The following LANCL2 variants were observed in gnomAD, a reference collection of about 807,000 sequenced individuals.
LANCL2 encodes lanC-like protein 2.
Under a neutral mutation model 56.9 loss-of-function variants are expected in LANCL2, and 33 were observed. That is an observed-to-expected ratio of 0.58 (90% CI 0.44 to 0.78). LANCL2 has a LOEUF of 0.78. LANCL2 is among the 30% of genes least tolerant of loss of function. The pLI, the probability that LANCL2 is intolerant of heterozygous loss-of-function variation, is 0.00. For missense variants in LANCL2, 562 were observed against 580.2 expected (o/e 0.97, Z 0.32); for synonymous variants, 233 against 228.2 (o/e 1.02, Z -0.19).
intron 7 of LANCL2, chr7:55,427,942 C>T (rs867865660): frequency 2.1e-4 from 37 of 172,398 alleles, no homozygotes; most frequent in South Asian, 2.9e-4. Context: ...TGAGAGGCGG[C>T]GCCCCAGGCA....
At chr7:55,406,017 C>T (rs1032416020) in intron 5 of LANCL2, among the ~76,000 whole-genome samples, 1 of 152,152 alleles carries the variant, frequency 6.6e-6, no homozygotes, top group Non-Finnish European at 1.5e-5. Context: ...TACAGGGTTA[C>T]AGCCTGCAGC....
chr7:55,379,456 C>G (rs1165784581), intron 1 of LANCL2, among the ~76,000 whole-genome samples: 2 of 152,180 alleles, frequency 1.3e-5, no homozygotes, highest in Admixed American at 6.5e-5. Flanking sequence ...CCTGGAAAAT[C>G]AAGTGTCTCT....
intron 1 of LANCL2, among the ~76,000 whole-genome samples, chr7:55,371,272 TC>T (rs1789940951): frequency 6.6e-6 from 1 of 152,182 alleles, no homozygotes; most frequent in African/African-American, 2.4e-5. Flanking sequence ...AGGGTCTCAC[TC>T]TGTTGTAGGC....
intron 1 of LANCL2, among the ~76,000 whole-genome samples, chr7:55,378,352 C>T (rs181776547): frequency 3.3e-5 from 5 of 151,926 alleles, no homozygotes; most frequent in Admixed American, 2.0e-4. Flanking sequence ...CCTAGCTACC[C>T]GGGAGGCTGA....
intron 1 of LANCL2, among the ~76,000 whole-genome samples, chr7:55,378,065 T>G (rs910226815): frequency 3.9e-5 from 6 of 152,246 alleles, no homozygotes; most frequent in African/African-American, 1.4e-4. Flanking sequence ...AGCCTTGGTT[T>G]TCTTACCTAA....
At position 55,365,789 on chromosome 7, in the gene LANCL2, A is replaced by G; in HGVS notation, c.-237A>G. ...GCTCCTCTCCGTCGGGAGCAGGGCA[A>G]AGGCGCCAGGAACAGGGCAGAGGCA... is the stretch of plus-strand genomic sequence containing the variant. On this transcript the variant is annotated 5_prime_UTR_variant, in exon 1 of 9. Transcript: ENST00000254770. 2.6e-6 allele frequency: 1 copy of G among 385,454 alleles called. No individual in the cohort carries two copies. The highest frequency in any genetic ancestry group is 4.6e-6 in the Non-Finnish European group (1 of 216,544). The allele number at this position is 385,454 out of a possible 1,614,324, so 23.9% of individuals were successfully genotyped here.
chr7:55,420,846 A>T (rs980627870), intron 6 of LANCL2, among the ~76,000 whole-genome samples: 1 of 152,098 alleles, frequency 6.6e-6, no homozygotes, highest in Non-Finnish European at 1.5e-5. Flanking sequence ...TGGGAGGAGG[A>T]GTTTTACAGT....
At chr7:55,383,511 G>A (rs1040092144) in intron 1 of LANCL2, among the ~76,000 whole-genome samples, 27 of 152,098 alleles carry the variant, frequency 1.8e-4, no homozygotes, top group Non-Finnish European at 2.8e-4. Context: ...ATATCTGGGG[G>A]TGGCCATGTT....
At chr7:55,415,775 G>T (rs1790529565) in intron 6 of LANCL2, among the ~76,000 whole-genome samples, 1 of 151,718 alleles carries the variant, frequency 6.6e-6, no homozygotes, top group Admixed American at 6.6e-5. Context: ...CACCATGCCT[G>T]GCTAATTTTT....
intron 1 of LANCL2, among the ~76,000 whole-genome samples, chr7:55,371,033 G>C (rs1789938160): frequency 1.3e-5 from 2 of 152,286 alleles, no homozygotes; most frequent in South Asian, 4.1e-4. Flanking sequence ...TCTGTGGCCA[G>C]AGCTGCTGAA....
At chr7:55,406,565 CCTT>C (rs1358509304) in intron 5 of LANCL2, among the ~76,000 whole-genome samples, 2 of 152,140 alleles carry the variant, frequency 1.3e-5, no homozygotes, top group Non-Finnish European at 2.9e-5. Context: ...CCTCAGGCTT[CCTT>C]GGCCAAGAAA....
intron 5 of LANCL2, among the ~76,000 whole-genome samples, chr7:55,405,396 C>T (rs1333144054): frequency 2.6e-5 from 4 of 152,124 alleles, no homozygotes; most frequent in East Asian, 1.9e-4. Context: ...TTTAGAGACA[C>T]ACCCAGACAC....
intron 8 of LANCL2, 89 bp from the exon 9 acceptor site, chr7:55,431,137 C>T: frequency 4.5e-6 from 4 of 887,752 alleles, no homozygotes; most frequent in Non-Finnish European, 6.7e-6. Context: ...CACATGCTTG[C>T]AGCCCCTGGT....
chr7:55,405,911 G>A (rs571797097), intron 5 of LANCL2, among the ~76,000 whole-genome samples: 48 of 152,314 alleles, frequency 3.2e-4, no homozygotes, highest in Middle Eastern at 6.8e-3. Flanking sequence ...GCCAGCATGG[G>A]GAGCTGCCCG....
intron 2 of LANCL2, among the ~76,000 whole-genome samples, chr7:55,392,899 T>C (rs567280239): frequency 1.3e-5 from 2 of 152,322 alleles, no homozygotes; most frequent in African/African-American, 4.8e-5. Flanking sequence ...CAGGCTGTGG[T>C]GAGTGGTCTC....
intron 5 of LANCL2, among the ~76,000 whole-genome samples, chr7:55,407,145 G>T (rs138581922): frequency 6.6e-6 from 1 of 152,316 alleles, no homozygotes; most frequent in African/African-American, 2.4e-5. Flanking sequence ...CCTTCAACTC[G>T]TGCTGGAGAC....
chr7:55,365,873 A>C lies in LANCL2; in HGVS notation c.-153A>C. ...CGAGCAGCCCGCGACGAGGCAGTGC[A>C]CGCTCAGACGCCCCGCTCCTCCCGC... On this transcript the variant is annotated 5_prime_UTR_variant, in exon 1 of 9. Transcript: ENST00000254770. The C allele has an allele frequency of 1.9e-6, 1 of 535,372 alleles. No individual in the cohort carries two copies. The highest frequency in any genetic ancestry group is 3.5e-5 in the East Asian group (1 of 28,610). The allele number at this position is 535,372 out of a possible 1,614,324, so 33.2% of individuals were successfully genotyped here. A position where few individuals can be genotyped will look rare whatever the true frequency, so the allele number is the denominator to read the frequency against.
At chr7:55,384,161 A>T (rs1256240225) in intron 1 of LANCL2, among the ~76,000 whole-genome samples, 1 of 152,226 alleles carries the variant, frequency 6.6e-6, no homozygotes, top group Admixed American at 6.5e-5. Context: ...GCTGTTGGTA[A>T]TTGGAATCAT....
intron 2 of LANCL2, among the ~76,000 whole-genome samples, chr7:55,395,712 A>G (rs1790242629): frequency 6.6e-6 from 1 of 152,272 alleles, no homozygotes; most frequent in Non-Finnish European, 1.5e-5. Context: ...TAAAAAGCTG[A>G]ACAAAGTGAA....
Sources: gnomAD v4.1 joint callset for allele counts (sites outside exome capture counted in the v4.1 genomes callset) on GRCh38, gnomAD v4.1.1 for gene constraint, MANE v1.5 for transcripts, NCBI Gene and HGNC (gene_info 2026-07-23, HGNC 2026-07-21) for gene names.